Variants in CORO2B observed in about 807,000 individuals in gnomAD.
CORO2B encodes the protein coronin-2B.
CORO2B carries 26 observed loss-of-function variants against 58.8 expected under a neutral mutation model. That is an observed-to-expected ratio of 0.44 (90% CI 0.32 to 0.61). CORO2B has a LOEUF of 0.61. CORO2B is among the 20% of genes least tolerant of loss of function. The pLI, the probability that CORO2B is intolerant of heterozygous loss-of-function variation, is 0.04. For missense variants in CORO2B, 460 were observed against 645.1 expected (o/e 0.71, Z 3.11); for synonymous variants, 242 against 253.8 (o/e 0.95, Z 0.44).
chr15:68,614,878 G>A (rs930380689), intron 1 of CORO2B, among the ~76,000 whole-genome samples: 6 of 152,210 alleles, frequency 3.9e-5, no homozygotes, highest in East Asian at 3.9e-4. Context: ...AGGCTGGTCC[G>A]GGCCTGCGCC....
At chr15:68,690,646 C>CTTTTTT (rs765999578) in intron 2 of CORO2B, among the ~76,000 whole-genome samples, 17 of 102,808 alleles carry the variant, frequency 1.7e-4, no homozygotes, top group Non-Finnish European at 2.2e-4. Flanking sequence ...CGTTAGCTTT[C>CTTTTTT]TTTTTTTTTT....
Position 68,710,785 on chromosome 15 carries a change from G to C in CORO2B, c.387G>C (p.Ala129=), listed in dbSNP as rs770986743. 6.2e-7 allele frequency: 1 copy of C among 1,612,256 alleles called. No homozygotes were observed. Among genetic ancestry groups the C allele is most frequent in the East Asian group, 2.2e-5 (1 of 44,834 alleles). ...EGGLKRNMTE[A]LLELHGHSRR... ...GGCTGAAGCGGAACATGACGGAGGC[G>C]CTCCTGGAGCTGCACGGGCACAGCC... The change falls in exon 4 of 12, where the codon GCG becomes GCC. Residue 129 remains alanine, a synonymous_variant. Transcript: ENST00000261861. The surrounding 1 kb of genome is among the most constrained non-coding windows in gnomAD (Gnocchi z 4.1).
chr15:68,636,268 A>G (rs991873444), intron 1 of CORO2B, among the ~76,000 whole-genome samples: 1 of 152,080 alleles, frequency 6.6e-6, no homozygotes, highest in Non-Finnish European at 1.5e-5. Context: ...ATCCTAGGGG[A>G]GGTAGGAAGC....
In CORO2B at chr15:68,589,093, G is replaced by A. The variant is rs557792133; in HGVS notation, c.15+9816G>A. On this transcript the variant is annotated intron_variant, in intron 1 of 11. Coordinates refer to ENST00000261861, the MANE Select transcript of CORO2B (RefSeq NM_006091.5). ...ACAAACTCAAGTTATTATGGATTGAGGCTGTTTCAGGGCTTGAGCTGTTCT... is the reference window on the plus strand; with the variant it reads ...ACAAACTCAAGTTATTATGGATTGAAGCTGTTTCAGGGCTTGAGCTGTTCT... Among the ~76,000 whole-genome samples, 5 of 152,294 alleles carry A rather than the reference G, an allele frequency of 3.3e-5. No individual in the cohort carries two copies. In the East Asian group the frequency reaches 5.8e-4, roughly 18 times the overall value.
At chr15:68,695,708 A>C (rs1397918267) in intron 3 of CORO2B, among the ~76,000 whole-genome samples, 1 of 152,140 alleles carries the variant, frequency 6.6e-6, no homozygotes, top group Non-Finnish European at 1.5e-5. Context: ...GGTTTCTAGG[A>C]AAGGAGACTT....
chr15:68,542,274 G>T, the CORO2B span, among the ~76,000 whole-genome samples: 1 of 152,124 alleles, frequency 6.6e-6, no homozygotes, highest in Non-Finnish European at 1.5e-5. Context: ...GCAGTACTTT[G>T]CCAAATGCAG....
intron 5 of CORO2B, 88 bp downstream of exon 5, chr15:68,711,794 C>A: frequency 6.7e-7 from 1 of 1,494,228 alleles, no homozygotes; most frequent in Non-Finnish European, 9.2e-7. Flanking sequence ...AAAGGCTGTG[C>A]CAGCCCCCTT....
intron 1 of CORO2B, among the ~76,000 whole-genome samples, chr15:68,588,789 G>A (rs1328928856): frequency 6.6e-6 from 1 of 152,178 alleles, no homozygotes. Context: ...ACGGCTGATG[G>A]AAAGAAAGGT....
At chr15:68,669,120 A>C (rs753850944) in intron 2 of CORO2B, among the ~76,000 whole-genome samples, 5 of 151,936 alleles carry the variant, frequency 3.3e-5, no homozygotes, top group Admixed American at 2.0e-4. Context: ...GGAGGGAAGG[A>C]AGGAAAGAGA....
chr15:68,561,495 T>G, the CORO2B span, among the ~76,000 whole-genome samples: 80 of 151,270 alleles, frequency 5.3e-4, no homozygotes, highest in Non-Finnish European at 9.3e-4. Flanking sequence ...GCGGGACAGG[T>G]AGAGGGTCCC....
At chr15:68,558,108 C>T in the CORO2B span, among the ~76,000 whole-genome samples, 26 of 152,252 alleles carry the variant, frequency 1.7e-4, no homozygotes, top group African/African-American at 6.3e-4. Context: ...AGAGAGGCTT[C>T]AGTAGGGCTG....
intron 2 of CORO2B, among the ~76,000 whole-genome samples, chr15:68,652,090 C>G (rs950730201): frequency 2.6e-5 from 4 of 152,186 alleles, no homozygotes; most frequent in African/African-American, 9.6e-5. Context: ...AGTATGGACC[C>G]CAAGCCAGCT....
intron 1 of CORO2B, among the ~76,000 whole-genome samples, chr15:68,617,897 A>G (rs1428106056): frequency 2.0e-5 from 3 of 152,164 alleles, no homozygotes; most frequent in Non-Finnish European, 4.4e-5. Flanking sequence ...ATCTTAGGCT[A>G]CTGGAATGCC....
chr15:68,682,544 C>T (rs1902825792), intron 2 of CORO2B, among the ~76,000 whole-genome samples: 1 of 152,180 alleles, frequency 6.6e-6, no homozygotes, highest in African/African-American at 2.4e-5. Flanking sequence ...CTCTGATCGA[C>T]TGGTAGGGAC....
At chr15:68,641,711 A>G (rs1901239522) in intron 1 of CORO2B, 1 of 353,476 alleles carries the variant, frequency 2.8e-6, no homozygotes, top group Admixed American at 6.5e-5. Context: ...GATGGGGATG[A>G]TTAGCCACCT....
the CORO2B span, among the ~76,000 whole-genome samples, chr15:68,518,591 A>G: frequency 6.6e-6 from 1 of 151,976 alleles, no homozygotes; most frequent in East Asian, 1.9e-4. Flanking sequence ...TCTGCCTTCC[A>G]AGGTGAGTCC....
chr15:68,602,630 G>C (rs946618352), intron 1 of CORO2B, among the ~76,000 whole-genome samples: 2 of 152,178 alleles, frequency 1.3e-5, no homozygotes, highest in African/African-American at 4.8e-5. Flanking sequence ...GCTGGTGGGA[G>C]CCCCCATAGC....
chr15:68,567,504 C>T, the CORO2B span, among the ~76,000 whole-genome samples: 3 of 152,130 alleles, frequency 2.0e-5, no homozygotes, highest in African/African-American at 7.2e-5. Flanking sequence ...TTGCAACTCC[C>T]AATTCTGTCT....
the CORO2B span, among the ~76,000 whole-genome samples, chr15:68,556,673 C>T: frequency 6.6e-6 from 1 of 152,248 alleles, no homozygotes; most frequent in Non-Finnish European, 1.5e-5. Flanking sequence ...CTTCTTTACT[C>T]CGCAGACAGT....
Sources: gnomAD v4.1 joint callset for allele counts (sites outside exome capture counted in the v4.1 genomes callset) on GRCh38, gnomAD v4.1.1 for gene constraint, Gnocchi (gnomAD v3.1) non-coding constraint, MANE v1.5 for transcripts, NCBI Gene and HGNC (gene_info 2026-07-23, HGNC 2026-07-21) for gene names.